Variants in MGAT4C observed in about 807,000 individuals in gnomAD.
MGAT4C encodes the protein alpha-1,3-mannosyl-glycoprotein 4-beta-N-acetylglucosaminyltransferase C.
A neutral mutation model predicts 40.1 loss-of-function variants in MGAT4C; 19 were observed. That is an observed-to-expected ratio of 0.47 (90% CI 0.33 to 0.70). The LOEUF is 0.70. Among genes scored for constraint, MGAT4C ranks in the 30% least tolerant of loss-of-function variants. The pLI is 0.02. For synonymous variants in MGAT4C, 181 were observed against 187.1 expected (o/e 0.97, Z 0.27); for missense variants, 491 against 563.2 (o/e 0.87, Z 1.30).
chr12:86,697,166 G>A (rs930099596), intron 2 of MGAT4C, among the ~76,000 whole-genome samples: 2 of 152,038 alleles, frequency 1.3e-5, no homozygotes, highest in Admixed American at 6.6e-5. Context: ...CAAAGATCAT[G>A]ACCTTATGTA....
At chr12:86,832,103 CA>C (rs1952941261) in intron 1 of MGAT4C, among the ~76,000 whole-genome samples, 3 of 151,818 alleles carry the variant, frequency 2.0e-5, no homozygotes, top group Admixed American at 1.3e-4. Flanking sequence ...GTAGGCACAT[CA>C]GATGCATCAC....
intron 2 of MGAT4C, among the ~76,000 whole-genome samples, chr12:86,506,088 T>C (rs916705541): frequency 6.6e-6 from 1 of 152,184 alleles, no homozygotes; most frequent in African/African-American, 2.4e-5. Flanking sequence ...GTGGATCATG[T>C]ATCCAGTGAA....
chr12:86,410,464 GA>G (rs1956581759), intron 3 of MGAT4C, among the ~76,000 whole-genome samples: 1 of 152,242 alleles, frequency 6.6e-6, no homozygotes, highest in South Asian at 2.1e-4. Flanking sequence ...TCTGCAATAA[GA>G]AAAAATATGG....
At chr12:86,669,045 G>A (rs950266978) in intron 2 of MGAT4C, among the ~76,000 whole-genome samples, 1 of 152,066 alleles carries the variant, frequency 6.6e-6, no homozygotes. Flanking sequence ...TTGCTTGCCC[G>A]GACCAACAAC....
chr12:86,238,941 A>T (rs972408029), intron 1 of MGAT4C, among the ~76,000 whole-genome samples: 4 of 152,200 alleles, frequency 2.6e-5, no homozygotes, highest in African/African-American at 9.6e-5. Flanking sequence ...TAAAAACAGT[A>T]ATATTTGGTA....
At chr12:86,086,531 T>C (rs1380727344) in intron 1 of MGAT4C, among the ~76,000 whole-genome samples, 1 of 152,062 alleles carries the variant, frequency 6.6e-6, no homozygotes, top group Non-Finnish European at 1.5e-5. Flanking sequence ...ACTTAAAGTA[T>C]AGTAATAAAA....
chr12:86,267,513 G>T (rs1375958482), intron 4 of MGAT4C, among the ~76,000 whole-genome samples: 3 of 151,990 alleles, frequency 2.0e-5, no homozygotes, highest in Non-Finnish European at 2.9e-5. Context: ...AAGAAACAAA[G>T]AATTTATAAA....
At chr12:86,166,867 A>G (rs903189569) in intron 1 of MGAT4C, among the ~76,000 whole-genome samples, 17 of 152,188 alleles carry the variant, frequency 1.1e-4, no homozygotes, top group African/African-American at 4.1e-4. Context: ...AATGATGACC[A>G]ATATTCATAT....
chr12:86,485,363 G>T (rs1958002393), intron 2 of MGAT4C, among the ~76,000 whole-genome samples: 1 of 151,832 alleles, frequency 6.6e-6, no homozygotes, highest in African/African-American at 2.4e-5. Flanking sequence ...AAGAGCTGAG[G>T]AAAAAAGAGC....
At chr12:85,991,717 C>T (rs1885963231) in intron 2 of MGAT4C, among the ~76,000 whole-genome samples, 1 of 152,156 alleles carries the variant, frequency 6.6e-6, no homozygotes, top group East Asian at 1.9e-4. Context: ...AGTGTCTGGG[C>T]ATGGTGGCTC....
At chr12:86,592,572 T>C (rs1313943421) in intron 2 of MGAT4C, among the ~76,000 whole-genome samples, 1 of 152,200 alleles carries the variant, frequency 6.6e-6, no homozygotes, top group Non-Finnish European at 1.5e-5. Flanking sequence ...GCGAGGCACA[T>C]GCCCAATTTT....
Position 86,345,896 on chromosome 12 carries a change from C to T in MGAT4C, c.-119-11769G>A, listed in dbSNP as rs550689447. 6.3e-3 allele frequency among the ~76,000 whole-genome samples: 956 copies of T among 152,284 alleles called. 5 individuals carry two copies. Among genetic ancestry groups the T allele is most frequent in the Non-Finnish European group, 8.9e-3 (605 of 68,034 alleles). On this transcript the variant is annotated intron_variant, in intron 3 of 7. Transcript: ENST00000548651. ...CAGTGTAAAAGTGTTCCTATTTCTCCACATCCTCTCCAGCACCTGTTGTTT... is the reference window on the plus strand; with the variant it reads ...CAGTGTAAAAGTGTTCCTATTTCTCTACATCCTCTCCAGCACCTGTTGTTT...
In MGAT4C at chr12:86,164,968, GA is replaced by G. The variant is rs1394209453; in HGVS notation, c.-57+91270del. On this transcript the variant is annotated intron_variant, in intron 1 of 4. Transcript: ENST00000611864. ...AAAATTCATTTAGGCTAAAATGTAG[GA>G]AGGGAATATTGAATATCTGGGACAT... Among the ~76,000 whole-genome samples the G allele has an allele frequency of 2.6e-5, 4 of 152,250 alleles. No homozygotes were observed. The South Asian group carries it at 6.2e-4, about 24-fold the overall frequency.
At chr12:86,127,707 T>G (rs576585588) in intron 1 of MGAT4C, among the ~76,000 whole-genome samples, 19 of 152,312 alleles carry the variant, frequency 1.2e-4, no homozygotes, top group African/African-American at 4.1e-4. Context: ...ATTTTTGCTC[T>G]GTAAACATTT....
chr12:86,107,459 A>G (rs555290087), intron 1 of MGAT4C, among the ~76,000 whole-genome samples: 1 of 152,302 alleles, frequency 6.6e-6, no homozygotes, highest in African/African-American at 2.4e-5. Context: ...CAGTTATATT[A>G]TTTTGAGCAA....
intron 4 of MGAT4C, among the ~76,000 whole-genome samples, chr12:86,311,623 C>G (rs1954076160): frequency 6.6e-6 from 1 of 152,138 alleles, no homozygotes; most frequent in South Asian, 2.1e-4. Flanking sequence ...GCAAAGGGTT[C>G]TGCACTCAGA....
intron 3 of MGAT4C, among the ~76,000 whole-genome samples, chr12:86,380,156 T>C (rs569484200): frequency 7.2e-5 from 11 of 152,236 alleles, no homozygotes; most frequent in Non-Finnish European, 1.3e-4. Context: ...TTAAATTGGT[T>C]CTGCTTAATA....
intron 1 of MGAT4C, among the ~76,000 whole-genome samples, chr12:86,179,995 T>A (rs1278962185): frequency 1.3e-5 from 2 of 152,156 alleles, no homozygotes; most frequent in African/African-American, 4.8e-5. Context: ...GCCGCTCCCA[T>A]CACAGGCCCA....
At chr12:86,588,494 C>T (rs1961168457) in intron 2 of MGAT4C, among the ~76,000 whole-genome samples, 1 of 151,934 alleles carries the variant, frequency 6.6e-6, no homozygotes, top group African/African-American at 2.4e-5. Context: ...GACAGATCAA[C>T]AAGACAGAAA....
Sources: allele counts gnomAD v4.1 joint callset (sites outside exome capture counted in the v4.1 genomes callset), GRCh38; gene constraint gnomAD v4.1.1; transcripts MANE v1.5; gene names NCBI Gene and HGNC (gene_info 2026-07-23, HGNC 2026-07-21).